The following SULF1 variants were observed in gnomAD, a reference collection of about 807,000 sequenced individuals.
SULF1 encodes the protein extracellular sulfatase Sulf-1.
A neutral mutation model predicts 110.5 loss-of-function variants in SULF1; 46 were observed. The observed-to-expected ratio is 0.42, with a 90% CI of 0.33 to 0.53. The LOEUF is 0.53. Ranked by LOEUF, SULF1 falls within the 20% of genes least tolerant of loss-of-function variation. The probability of loss-of-function intolerance (pLI) is 0.12; values close to 1 mark genes in which losing one functional copy is unlikely to be tolerated. For missense variants in SULF1, 941 were observed against 1,094.2 expected, an observed-to-expected ratio of 0.86 and a Z score of 1.98; for synonymous variants, 371 against 387.1, an observed-to-expected ratio of 0.96 and a Z score of 0.49.
intron 22 of SULF1, among the ~76,000 whole-genome samples, chr8:69,646,092 C>T (rs371193532): frequency 6.6e-6 from 1 of 152,018 alleles, no homozygotes; most frequent in Non-Finnish European, 1.5e-5. Flanking sequence ...CCCAGGCAAA[C>T]GAAAAATGTG....
intron 3 of SULF1, among the ~76,000 whole-genome samples, chr8:69,558,154 C>T (rs1043362646): frequency 2.0e-5 from 3 of 152,118 alleles, no homozygotes; most frequent in African/African-American, 4.8e-5. Context: ...CTCTGGGAGA[C>T]TCAAAAGCCA....
chr8:69,611,840 A>AT (rs896887926), intron 13 of SULF1, among the ~76,000 whole-genome samples: 26 of 152,188 alleles, frequency 1.7e-4, no homozygotes, highest in African/African-American at 6.3e-4. Context: ...GTTGTACACA[A>AT]TTTTTTTAAT....
intron 13 of SULF1, among the ~76,000 whole-genome samples, chr8:69,609,843 C>G (rs1055235509): frequency 1.6e-4 from 25 of 152,302 alleles, no homozygotes; most frequent in African/African-American, 4.8e-4. Flanking sequence ...GTATGAGACC[C>G]AGGTACCAGT....
intron 3 of SULF1, among the ~76,000 whole-genome samples, chr8:69,508,717 T>G (rs895899395): frequency 6.6e-6 from 1 of 152,178 alleles, no homozygotes; most frequent in Non-Finnish European, 1.5e-5. Context: ...TTTGATGCAT[T>G]TTTGCATTAA....
At chr8:69,495,538 G>A (rs1810285392) in intron 1 of SULF1, among the ~76,000 whole-genome samples, 1 of 152,092 alleles carries the variant, frequency 6.6e-6, no homozygotes. Context: ...TTGTGTCCCT[G>A]CTGCCAAATG....
chr8:69,497,421 G>T (rs1291255964), intron 2 of SULF1, among the ~76,000 whole-genome samples: 1 of 152,076 alleles, frequency 6.6e-6, no homozygotes, highest in African/African-American at 2.4e-5. Context: ...CTCCCAAAGT[G>T]CTGGGATTAC....
At chr8:69,575,290 T>C (rs532233229) in intron 5 of SULF1, among the ~76,000 whole-genome samples, 1 of 152,166 alleles carries the variant, frequency 6.6e-6, no homozygotes, top group Non-Finnish European at 1.5e-5. Flanking sequence ...GCAAATACTT[T>C]CGAGTGCAAT....
At chr8:69,561,685 G>A (rs929693612) in intron 3 of SULF1, among the ~76,000 whole-genome samples, 30 of 152,132 alleles carry the variant, frequency 2.0e-4, no homozygotes, top group African/African-American at 6.0e-4. Context: ...ATGCACAAAG[G>A]CCCTCTTCAC....
At chr8:69,581,451 C>T (rs185363050) in intron 6 of SULF1, among the ~76,000 whole-genome samples, 7 of 152,186 alleles carry the variant, frequency 4.6e-5, no homozygotes, top group Non-Finnish European at 5.9e-5. Flanking sequence ...ACAATAATTA[C>T]AATCAGGTCT....
chr8:69,608,915 C>T (rs1808429074), intron 13 of SULF1, among the ~76,000 whole-genome samples: 1 of 152,152 alleles, frequency 6.6e-6, no homozygotes, highest in Admixed American at 6.5e-5. Context: ...TACAGACACT[C>T]CCCATCCCCC....
At chr8:69,526,639 A>G (rs1000020140) in intron 3 of SULF1, among the ~76,000 whole-genome samples, 5 of 151,726 alleles carry the variant, frequency 3.3e-5, no homozygotes, top group Non-Finnish European at 5.9e-5. Flanking sequence ...AAGAAAAGAA[A>G]AATTAGTCAG....
chr8:69,500,069 A>G (rs1477284812), intron 2 of SULF1, among the ~76,000 whole-genome samples: 2 of 152,214 alleles, frequency 1.3e-5, no homozygotes, highest in Non-Finnish European at 2.9e-5. Context: ...TATCATTTTA[A>G]TGATGAGAAA....
rs137971934 is a variant in SULF1 at position 69,574,816 on chromosome 8, G to T, written c.173-1154G>T. The stretch of plus-strand genomic sequence containing the variant: ...TCCTAGCCGAGGCATATTTTAGGGA[G>T]CTCTAATGAGACCCAATTAGAAACC... On this transcript the variant is annotated intron_variant, in intron 5 of 22. Transcript: ENST00000402687. Among the ~76,000 whole-genome samples, 518 of 152,286 alleles carry T rather than the reference G, an allele frequency of 3.4e-3. 1 individual carries two copies. The highest frequency in any genetic ancestry group is 5.9e-3 in the Non-Finnish European group (404 of 68,024).
At chr8:69,547,618 A>C (rs1814369652) in intron 3 of SULF1, among the ~76,000 whole-genome samples, 1 of 152,212 alleles carries the variant, frequency 6.6e-6, no homozygotes, top group Non-Finnish European at 1.5e-5. Context: ...CAACTCACAG[A>C]GAGTATCACA....
intron 6 of SULF1, among the ~76,000 whole-genome samples, chr8:69,582,270 A>T (rs1806123642): frequency 6.6e-6 from 1 of 152,240 alleles, no homozygotes; most frequent in South Asian, 2.1e-4. Flanking sequence ...AGTAGTGGGG[A>T]AGAAAATATG....
chr8:69,594,115 A>G (rs1807112968), intron 8 of SULF1, among the ~76,000 whole-genome samples: 1 of 151,922 alleles, frequency 6.6e-6, no homozygotes. Context: ...GCAATGGCAC[A>G]ATCTCGGCTC....
chr8:69,655,315 C>CA (rs1047532224), intron 22 of SULF1, among the ~76,000 whole-genome samples: 53 of 152,302 alleles, frequency 3.5e-4, no homozygotes, highest in African/African-American at 1.3e-3. Flanking sequence ...CACCACCCCC[C>CA]ATACCCACTC....
intron 5 of SULF1, among the ~76,000 whole-genome samples, chr8:69,574,110 A>T (rs1480676141): frequency 1.3e-5 from 2 of 152,138 alleles, no homozygotes; most frequent in African/African-American, 4.8e-5. Flanking sequence ...TCTCGAGGGG[A>T]TTGCAATCCA....
intron 22 of SULF1, among the ~76,000 whole-genome samples, chr8:69,642,901 G>A (rs755391903): frequency 1.3e-5 from 2 of 152,094 alleles, no homozygotes; most frequent in African/African-American, 2.4e-5. Flanking sequence ...CCACTCAATC[G>A]GCCAGATAAT....
Sources: allele counts gnomAD v4.1 joint callset (sites outside exome capture counted in the v4.1 genomes callset), GRCh38; gene constraint gnomAD v4.1.1; transcripts MANE v1.5; gene names NCBI Gene and HGNC (gene_info 2026-07-23, HGNC 2026-07-21).